The following ADAM12 variants were observed in gnomAD, a reference collection of about 807,000 sequenced individuals.
ADAM12 encodes the protein ADAM metallopeptidase domain 12, also known as disintegrin and metalloproteinase domain-containing protein 12.
In ADAM12, 70 loss-of-function variants were observed where a neutral mutation model predicts 106.4. The ratio of observed to expected loss-of-function variants is 0.66; its 90% confidence interval spans 0.54 to 0.80. The LOEUF (loss-of-function observed/expected upper bound fraction) is 0.80, where lower values mean the gene tolerates loss of function less well. ADAM12 is among the 30% of genes least tolerant of loss of function. The pLI, the probability that ADAM12 is intolerant of heterozygous loss-of-function variation, is 0.00. For synonymous variants in ADAM12, 420 were observed against 433.5 expected (o/e 0.97, Z 0.39); for missense variants, 1,010 against 1,171.9 (o/e 0.86, Z 2.02).
Position 126,043,189 on chromosome 10 carries a change from G to T in ADAM12, c.1996-41C>A, listed in dbSNP as rs1590326499. ...GGAGGGACGTGGGGTTAGGGCATAT[G>T]CTCTGTGCATCACCACAGCAGAAGC... On this transcript the variant is annotated intron_variant, in intron 17 of 22. Coordinates refer to ENST00000448723, the MANE Select transcript of ADAM12 (RefSeq NM_001288973.2). This position sits in a 1 kb window ranked among gnomAD's most constrained non-coding sequence, Gnocchi z 4.1. The T allele has an allele frequency of 1.9e-6, 3 of 1,580,524 alleles. No homozygotes were observed. The highest frequency in any genetic ancestry group is 4.5e-5 in the East Asian group (2 of 44,492).
rs145408654 is a variant in ADAM12, at chr10:126,228,654, T to A, written c.260+50261A>T. On this transcript the variant is annotated intron_variant, in intron 3 of 22. Coordinates refer to ENST00000448723, the MANE Select transcript of ADAM12 (RefSeq NM_001288973.2). ...ACAATTTCCTACTAAATGAAACACT[T>A]TGTTGCACATTTTTGTCCTTCCTCC... Among the ~76,000 whole-genome samples, 672 of 152,302 alleles carry A rather than the reference T, an allele frequency of 4.4e-3. 2 individuals carry two copies. The highest frequency in any genetic ancestry group is 0.01 in the Middle Eastern group (3 of 294).
chr10:126,071,791 CA>C (rs1432203687), intron 11 of ADAM12, 137 bp from the exon 12 acceptor site: 3 of 887,294 alleles, frequency 3.4e-6, no homozygotes, highest in Non-Finnish European at 5.1e-6. Flanking sequence ...CAATGCATAT[CA>C]AAAAACTCAG....
chr10:126,195,764 C>T (rs1409604884), intron 3 of ADAM12, among the ~76,000 whole-genome samples: 2 of 152,056 alleles, frequency 1.3e-5, no homozygotes, highest in Non-Finnish European at 2.9e-5. Flanking sequence ...AATTCTTAGA[C>T]ACCATTTTTA....
At chr10:126,206,860 CGGGGGG>C (rs907511503) in intron 3 of ADAM12, among the ~76,000 whole-genome samples, 1 of 97,834 alleles carries the variant, frequency 1.0e-5, no homozygotes, top group Non-Finnish European at 2.1e-5. Flanking sequence ...GTTGTGGGGG[CGGGGGG>C]GAGCCAGTGG....
At chr10:126,276,439 C>T (rs571893461) in intron 3 of ADAM12, among the ~76,000 whole-genome samples, 1 of 152,258 alleles carries the variant, frequency 6.6e-6, no homozygotes, top group South Asian at 2.1e-4. Flanking sequence ...GCTAGTAGTG[C>T]ACAAGCATTT....
At chr10:126,125,815 GACACATGT>G (rs1263583845) in intron 5 of ADAM12, among the ~76,000 whole-genome samples, 1 of 151,630 alleles carries the variant, frequency 6.6e-6, no homozygotes, top group Non-Finnish European at 1.5e-5. Flanking sequence ...TAAATCTAAC[GACACATGT>G]CCTTAGAAGA....
chr10:126,352,210 G>A (rs1397656206), intron 1 of ADAM12, among the ~76,000 whole-genome samples: 1 of 152,198 alleles, frequency 6.6e-6, no homozygotes, highest in African/African-American at 2.4e-5. Flanking sequence ...CCCAGCCACT[G>A]GCTCTCTGCC....
intron 21 of ADAM12, among the ~76,000 whole-genome samples, chr10:126,025,612 G>C (rs1953857409): frequency 6.6e-6 from 1 of 152,158 alleles, no homozygotes; most frequent in South Asian, 2.1e-4. Context: ...CCAGCAAATT[G>C]CAGCAGCCTT....
intron 2 of ADAM12, among the ~76,000 whole-genome samples, chr10:126,289,754 G>C (rs536491532): frequency 6.6e-6 from 1 of 152,186 alleles, no homozygotes; most frequent in Non-Finnish European, 1.5e-5. Flanking sequence ...CAGTAGGAGG[G>C]GCCTCAGGCT....
At chr10:126,164,758 G>A (rs1956995127) in intron 3 of ADAM12, among the ~76,000 whole-genome samples, 1 of 152,126 alleles carries the variant, frequency 6.6e-6, no homozygotes, top group Non-Finnish European at 1.5e-5. Flanking sequence ...CTGGTTTTCA[G>A]CAGAAACTCT....
chr10:126,188,917 A>G (rs1565125382), intron 3 of ADAM12, among the ~76,000 whole-genome samples: 1 of 151,956 alleles, frequency 6.6e-6, no homozygotes, highest in Non-Finnish European at 1.5e-5. Context: ...TCACTCATCC[A>G]TGCATCATCT....
chr10:126,146,150 T>C (rs1590498395), intron 4 of ADAM12, among the ~76,000 whole-genome samples: 2 of 152,100 alleles, frequency 1.3e-5, no homozygotes, highest in African/African-American at 4.8e-5. Flanking sequence ...AGCCATGTGA[T>C]GGTGGACAGG....
chr10:126,264,717 G>A (rs1959064426), intron 3 of ADAM12, among the ~76,000 whole-genome samples: 2 of 152,062 alleles, frequency 1.3e-5, no homozygotes, highest in Admixed American at 1.3e-4. Context: ...TGAATGAAAC[G>A]TTGTTTTTTT....
At chr10:126,325,540 A>G (rs1004461609) in intron 2 of ADAM12, among the ~76,000 whole-genome samples, 3 of 152,238 alleles carry the variant, frequency 2.0e-5, no homozygotes, top group Admixed American at 6.5e-5. Flanking sequence ...GAGACCTGCC[A>G]TATGCTAAGG....
intron 4 of ADAM12, among the ~76,000 whole-genome samples, chr10:126,148,702 G>C (rs928357493): frequency 2.0e-5 from 3 of 152,186 alleles, no homozygotes; most frequent in African/African-American, 7.2e-5. Flanking sequence ...GATCCACAGA[G>C]TCAGATGAAG....
At chr10:126,255,925 C>G (rs1958882703) in intron 3 of ADAM12, among the ~76,000 whole-genome samples, 2 of 152,174 alleles carry the variant, frequency 1.3e-5, no homozygotes, top group South Asian at 4.1e-4. Context: ...CCTTCGGCAT[C>G]AGGAACGGTG....
At chr10:126,267,304 C>T (rs569457442) in intron 3 of ADAM12, among the ~76,000 whole-genome samples, 3 of 152,212 alleles carry the variant, frequency 2.0e-5, no homozygotes, top group Non-Finnish European at 4.4e-5. Context: ...TTCCATGGAC[C>T]AGGGGTGGGG....
chr10:126,238,364 T>C (rs1958460556), intron 3 of ADAM12, among the ~76,000 whole-genome samples: 1 of 152,082 alleles, frequency 6.6e-6, no homozygotes. Context: ...CCTGTTATCC[T>C]AGCTAGTGAC....
intron 1 of ADAM12, among the ~76,000 whole-genome samples, chr10:126,379,509 G>C (rs1001365500): frequency 9.2e-5 from 14 of 152,072 alleles, no homozygotes; most frequent in African/African-American, 2.7e-4. Flanking sequence ...CATGGACATA[G>C]GGAGGGGAAC....
Sources: allele counts gnomAD v4.1 joint callset (sites outside exome capture counted in the v4.1 genomes callset), GRCh38; gene constraint gnomAD v4.1.1; non-coding constraint Gnocchi (gnomAD v3.1); transcripts MANE v1.5; gene names NCBI Gene and HGNC (gene_info 2026-07-23, HGNC 2026-07-21).